NCOA3: variants seen among roughly 807,000 people sequenced by gnomAD.
The protein encoded by NCOA3 is CBP-interacting protein.
A neutral mutation model predicts 158.8 loss-of-function variants in NCOA3; 51 were observed. The ratio of observed to expected loss-of-function variants is 0.32; its 90% CI spans 0.26 to 0.41. The LOEUF (loss-of-function observed/expected upper bound fraction) is 0.41. Ranked by LOEUF, NCOA3 falls within the 10% of genes least tolerant of loss-of-function variation. The probability of loss-of-function intolerance (pLI) is 1.00; values close to 1 mark genes in which losing one functional copy is unlikely to be tolerated. For synonymous variants in NCOA3, 537 were observed against 592.4 expected (o/e 0.91, Z 1.36); for missense variants, 1,510 against 1,746.6 (o/e 0.86, Z 2.41).
chr20:47,525,744 G>A (rs1288785208), intron 1 of NCOA3, among the ~76,000 whole-genome samples: 1 of 116,936 alleles, frequency 8.6e-6, no homozygotes, highest in East Asian at 2.6e-4. Flanking sequence ...CGGAGGGGGC[G>A]GCTGGCCGGG....
At chr20:47,568,178 T>A (rs962687067) in intron 1 of NCOA3, among the ~76,000 whole-genome samples, 1 of 152,182 alleles carries the variant, frequency 6.6e-6, no homozygotes, top group Non-Finnish European at 1.5e-5. Flanking sequence ...TCCAGTTGAG[T>A]TTACTTTCCT....
At chr20:47,503,042 A>G (rs1163251598) in intron 1 of NCOA3, among the ~76,000 whole-genome samples, 4 of 152,156 alleles carry the variant, frequency 2.6e-5, no homozygotes, top group Non-Finnish European at 5.9e-5. Flanking sequence ...TGTTTTTGTT[A>G]TTAAGCCTGT....
At chr20:47,544,551 A>G (rs911182986) in intron 1 of NCOA3, among the ~76,000 whole-genome samples, 1 of 151,906 alleles carries the variant, frequency 6.6e-6, no homozygotes, top group African/African-American at 2.4e-5. Context: ...TAAAATCCTT[A>G]TGTAATAGAC....
Position 47,540,659 on chromosome 20 carries a change from G to A in NCOA3, c.-99+38640G>A, listed in dbSNP as rs565173681. Reference sequence around the variant, plus strand: ...CTGTGTGTATACAAAACAATATAAGGTCTTATCTCTTCTTCTCAAGGAATT... The same window carrying A: ...CTGTGTGTATACAAAACAATATAAGATCTTATCTCTTCTTCTCAAGGAATT... On this transcript the variant is annotated intron_variant, in intron 1 of 22. Coordinates refer to ENST00000371998, the MANE Select transcript of NCOA3 (RefSeq NM_181659.3). Among the ~76,000 whole-genome samples the A allele has an allele frequency of 2.0e-5, 3 of 152,176 alleles. No individual in the cohort carries two copies. In the East Asian group the frequency reaches 5.8e-4, roughly 29 times the overall value.
At chr20:47,503,473 A>G (rs967155150) in intron 1 of NCOA3, among the ~76,000 whole-genome samples, 4 of 152,206 alleles carry the variant, frequency 2.6e-5, no homozygotes, top group African/African-American at 9.6e-5. Context: ...TCCCCTTCTC[A>G]GAGGCAAAGA....
intron 17 of NCOA3, 126 bp from the exon 18 acceptor site, chr20:47,646,947 C>A (rs2086694828): frequency 1.3e-6 from 1 of 761,670 alleles, no homozygotes; most frequent in Non-Finnish European, 2.1e-6. Flanking sequence ...TGATGCCTGG[C>A]ACATAACAAG....
At chr20:47,563,876 G>A (rs1262730525) in intron 1 of NCOA3, among the ~76,000 whole-genome samples, 1 of 135,380 alleles carries the variant, frequency 7.4e-6, no homozygotes, top group Non-Finnish European at 1.5e-5. Context: ...GCTACAGAGC[G>A]AGATTCTGTC....
At position 47,518,083 on chromosome 20, in the gene NCOA3, A is replaced by G. The variant is rs542683961; in HGVS notation, c.-99+16064A>G. Among the ~76,000 whole-genome samples, 132 of 152,208 alleles carry G rather than the reference A, an allele frequency of 8.7e-4. No individual in the cohort carries two copies. The Middle Eastern group carries it at 0.017, about 20-fold the overall frequency. The stretch of plus-strand genomic sequence containing the variant: ...ACATCCAGGCCAGCCATGATGGCTC[A>G]CACCTGTAATCCTAATACTCTGGGA... On this transcript the variant is annotated intron_variant, in intron 1 of 22. Transcript: ENST00000371998.
chr20:47,566,938 G>A (rs889359882), intron 1 of NCOA3, among the ~76,000 whole-genome samples: 3 of 151,978 alleles, frequency 2.0e-5, no homozygotes, highest in African/African-American at 7.3e-5. Context: ...GGGCAACATA[G>A]CAAGACTGTC....
In NCOA3 at chr20:47,635,878, T is replaced by C; in HGVS notation, c.1505-13T>C. 1.3e-6 allele frequency: 2 copies of C among 1,574,570 alleles called. No homozygotes were observed. Among genetic ancestry groups the C allele is most frequent in the Non-Finnish European group, 8.6e-7 (1 of 1,164,354 alleles). ...TAGTCTAATTCTTTTCCTAAATTTT[T>C]TTTCAAATTCAGGTGTGCACTCTCC... On this transcript the variant is annotated splice_polypyrimidine_tract_variant and intron_variant, in intron 11 of 22. Transcript: ENST00000371998.
chr20:47,642,234 G>T lies in NCOA3; in HGVS notation c.3102G>T (p.Leu1034=). 1 of 1,597,456 alleles carries T rather than the reference G, an allele frequency of 6.3e-7. No individual in the cohort carries two copies. The highest frequency in any genetic ancestry group is 1.1e-5 in the South Asian group (1 of 87,740). The change falls in exon 17 of 23, where the codon CTG becomes CTT. Residue 1034 remains leucine (L), a synonymous_variant. Coordinates refer to ENST00000371998, the MANE Select transcript of NCOA3 (RefSeq NM_181659.3). The part of the protein sequence containing the change: ...TQNRPLLRNS[L]DDLVGPPSNL... ...CTAGGCCTCTTCTTAGGAATTCCCTGGATGATCTTGTTGGGCCACCTTCCA... is the reference window on the plus strand; with the variant it reads ...CTAGGCCTCTTCTTAGGAATTCCCTTGATGATCTTGTTGGGCCACCTTCCA...
intron 1 of NCOA3, among the ~76,000 whole-genome samples, chr20:47,574,079 A>C (rs1292451460): frequency 2.6e-5 from 4 of 152,202 alleles, no homozygotes; most frequent in African/African-American, 9.6e-5. Context: ...ACAGAGTGAC[A>C]AAATTATGCT....
intron 1 of NCOA3, among the ~76,000 whole-genome samples, chr20:47,521,288 C>T (rs1195064331): frequency 3.9e-5 from 6 of 152,184 alleles, no homozygotes; most frequent in Admixed American, 1.3e-4. Flanking sequence ...CAGGCAAGCC[C>T]CCAAATTTGT....
intron 2 of NCOA3, among the ~76,000 whole-genome samples, chr20:47,621,383 C>T (rs1027593629): frequency 2.0e-5 from 3 of 151,704 alleles, no homozygotes; most frequent in Admixed American, 6.6e-5. Flanking sequence ...AATTTATGTC[C>T]TCCAGCATAC....
chr20:47,527,441 T>G (rs1215014102), intron 1 of NCOA3, among the ~76,000 whole-genome samples: 1 of 152,216 alleles, frequency 6.6e-6, no homozygotes, highest in East Asian at 1.9e-4. Context: ...TTCCCTGAGA[T>G]TCATTCATGT....
At chr20:47,554,892 A>G (rs993880392) in intron 1 of NCOA3, among the ~76,000 whole-genome samples, 9 of 152,184 alleles carry the variant, frequency 5.9e-5, no homozygotes, top group Admixed American at 4.6e-4. Flanking sequence ...AGGAGCCCAC[A>G]TTGCCAAGTC....
intron 1 of NCOA3, among the ~76,000 whole-genome samples, chr20:47,560,162 C>T (rs535509643): frequency 6.6e-6 from 1 of 152,044 alleles, no homozygotes; most frequent in Non-Finnish European, 1.5e-5. Context: ...TCACTGCAAC[C>T]TTTGTCTCCT....
intron 2 of NCOA3, among the ~76,000 whole-genome samples, chr20:47,602,857 C>A (rs943521610): frequency 2.0e-5 from 3 of 152,070 alleles, no homozygotes; most frequent in Non-Finnish European, 4.4e-5. Context: ...GAGTTTCTTT[C>A]CATTTTCCTT....
chr20:47,600,814 CA>C (rs376125255), intron 2 of NCOA3, among the ~76,000 whole-genome samples: 1,154 of 73,044 alleles, frequency 0.016, 11 homozygotes, highest in African/African-American at 0.051. Flanking sequence ...CTGTCCCTGG[CA>C]AAAAAAAAAA....
Sources: gnomAD v4.1 joint callset for allele counts (sites outside exome capture counted in the v4.1 genomes callset) on GRCh38, gnomAD v4.1.1 for gene constraint, MANE v1.5 for transcripts, NCBI Gene and HGNC (gene_info 2026-07-23, HGNC 2026-07-21) for gene names.